Variants in WDPCP observed in about 807,000 individuals in gnomAD.
WDPCP encodes WD repeat-containing and planar cell polarity effector protein fritz homolog.
Under a neutral mutation model 93.1 loss-of-function variants are expected in WDPCP, and 71 were observed. The observed-to-expected ratio is 0.76, with a 90% CI of 0.63 to 0.93. The LOEUF (loss-of-function observed/expected upper bound fraction) is 0.93, where lower values mean the gene tolerates loss of function less well. Among genes scored for constraint, WDPCP ranks in the 40% least tolerant of loss-of-function variants. The pLI is 0.00. For synonymous variants in WDPCP, 315 were observed against 315.0 expected (o/e 1.00, Z 0.00); for missense variants, 844 against 887.4 (o/e 0.95, Z 0.62).
At chr2:63,574,988 TA>T (rs1255972752) in intron 1 of WDPCP, among the ~76,000 whole-genome samples, 2 of 152,176 alleles carry the variant, frequency 1.3e-5, no homozygotes, top group East Asian at 1.9e-4. Flanking sequence ...TATCATTTTA[TA>T]TTTTTTTGAG....
intron 10 of WDPCP, among the ~76,000 whole-genome samples, chr2:63,400,517 T>G (rs1694068490): frequency 6.6e-6 from 1 of 152,094 alleles, no homozygotes; most frequent in South Asian, 2.1e-4. Context: ...TATAAGGAAC[T>G]TAAACAAATT....
chr2:63,571,113 G>A (rs200558910), intron 1 of WDPCP, among the ~76,000 whole-genome samples: 100 of 151,824 alleles, frequency 6.6e-4, no homozygotes, highest in Non-Finnish European at 1.2e-3. Context: ...GGGTTTCACC[G>A]TGTTAGCCAG....
At chr2:63,711,214 C>G (rs952758326) in intron 2 of WDPCP, among the ~76,000 whole-genome samples, 1 of 152,008 alleles carries the variant, frequency 6.6e-6, no homozygotes, top group Non-Finnish European at 1.5e-5. Flanking sequence ...AACATGACAG[C>G]AGAGCTCTCC....
chr2:63,674,720 A>G (rs1558881282), intron 2 of WDPCP, among the ~76,000 whole-genome samples: 1 of 149,906 alleles, frequency 6.7e-6, no homozygotes, highest in African/African-American at 2.4e-5. Flanking sequence ...GACGCTACAA[A>G]AAAAAAAAAG....
At chr2:63,407,146 T>A (rs1037562754) in intron 9 of WDPCP, among the ~76,000 whole-genome samples, 1 of 151,896 alleles carries the variant, frequency 6.6e-6, no homozygotes, top group African/African-American at 2.4e-5. Flanking sequence ...CGGGGTGTGA[T>A]ACAGAGAGAT....
At chr2:63,231,140 C>A (rs1266710975) in intron 14 of WDPCP, among the ~76,000 whole-genome samples, 1 of 151,808 alleles carries the variant, frequency 6.6e-6, no homozygotes, top group African/African-American at 2.4e-5. Context: ...GAACCAAAGA[C>A]AAAAACCACA....
At chr2:63,705,808 T>C (rs1669142802) in intron 2 of WDPCP, among the ~76,000 whole-genome samples, 1 of 150,412 alleles carries the variant, frequency 6.6e-6, no homozygotes, top group Non-Finnish European at 1.5e-5. Context: ...AGATGTCTAT[T>C]AGGTCTGCTT....
intron 6 of WDPCP, among the ~76,000 whole-genome samples, chr2:63,475,153 C>T (rs1208769968): frequency 6.6e-6 from 1 of 152,220 alleles, no homozygotes; most frequent in South Asian, 2.1e-4. Flanking sequence ...ACTAGCCCAA[C>T]CCTGCAACAA....
chr2:63,417,285 G>C (rs1558604357), intron 9 of WDPCP, among the ~76,000 whole-genome samples: 1 of 152,152 alleles, frequency 6.6e-6, no homozygotes, highest in Non-Finnish European at 1.5e-5. Context: ...ACATAGTAAG[G>C]ATGTAGCTTG....
At chr2:63,244,995 AT>A (rs947062669) in intron 14 of WDPCP, among the ~76,000 whole-genome samples, 7 of 152,204 alleles carry the variant, frequency 4.6e-5, no homozygotes, top group East Asian at 1.9e-4. Flanking sequence ...AAAACCTCAT[AT>A]TTTTTTGAGT....
chr2:63,391,982 T>G (rs1194540637), intron 10 of WDPCP, among the ~76,000 whole-genome samples: 1 of 152,182 alleles, frequency 6.6e-6, no homozygotes, highest in Non-Finnish European at 1.5e-5. Flanking sequence ...ATAGATTCAA[T>G]GCCATCCCCA....
intron 1 of WDPCP, among the ~76,000 whole-genome samples, chr2:63,546,162 T>C (rs1170327701): frequency 6.6e-6 from 1 of 152,182 alleles, no homozygotes; most frequent in East Asian, 1.9e-4. Context: ...TTAGCTCCTC[T>C]GATCAGCAAA....
intron 14 of WDPCP, among the ~76,000 whole-genome samples, chr2:63,176,770 C>A (rs1673843000): frequency 6.6e-6 from 1 of 152,148 alleles, no homozygotes; most frequent in South Asian, 2.1e-4. Context: ...CATTTGTAGT[C>A]CCATTTGTCT....
At chr2:63,753,819 A>T (rs1218622591) in intron 2 of WDPCP, among the ~76,000 whole-genome samples, 2 of 152,192 alleles carry the variant, frequency 1.3e-5, no homozygotes, top group Non-Finnish European at 2.9e-5. Flanking sequence ...AGATCCAAAC[A>T]ATATAAGTTA....
At chr2:63,604,626 G>A in intron 3 of WDPCP, 1 of 1,248,978 alleles carries the variant, frequency 8.0e-7, no homozygotes. Context: ...AAGGGCATTT[G>A]TCAAAACAGG....
At chr2:63,358,347 G>C (rs773643272) in intron 12 of WDPCP, among the ~76,000 whole-genome samples, 1 of 151,616 alleles carries the variant, frequency 6.6e-6, no homozygotes. Context: ...TTTATTTACA[G>C]AACACCTTAC....
chr2:63,296,571 A>C (rs1354835580), intron 13 of WDPCP, among the ~76,000 whole-genome samples: 1 of 152,246 alleles, frequency 6.6e-6, no homozygotes, highest in Non-Finnish European at 1.5e-5. Context: ...ACAGACTTCT[A>C]GACTTGAAAA....
chr2:63,617,728 C>T (rs1306363477), intron 3 of WDPCP, among the ~76,000 whole-genome samples: 2 of 152,086 alleles, frequency 1.3e-5, no homozygotes, highest in Non-Finnish European at 2.9e-5. Flanking sequence ...TGAAAATTTC[C>T]TTTATAAATG....
chr2:63,696,794 A>G (rs1668966739), intron 2 of WDPCP, among the ~76,000 whole-genome samples: 1 of 152,194 alleles, frequency 6.6e-6, no homozygotes. Context: ...CAAATATTTA[A>G]CTGGCTGATG....
Sources: gnomAD v4.1 joint callset for allele counts (sites outside exome capture counted in the v4.1 genomes callset) on GRCh38, gnomAD v4.1.1 for gene constraint, MANE v1.5 for transcripts, NCBI Gene and HGNC (gene_info 2026-07-23, HGNC 2026-07-21) for gene names.